Variants in PIEZO2 observed in about 807,000 individuals in gnomAD.
PIEZO2 encodes piezo-type mechanosensitive ion channel component 2.
In PIEZO2, 172 loss-of-function variants were observed where a neutral mutation model predicts 337.3. The observed-to-expected ratio is 0.51, with a 90% CI of 0.45 to 0.58. The LOEUF is 0.58. PIEZO2 is among the 20% of genes least tolerant of loss of function. The probability of loss-of-function intolerance (pLI) is 0.00; values close to 1 mark genes in which losing one functional copy is unlikely to be tolerated. For missense variants in PIEZO2, 3,028 were observed against 3,391.3 expected (o/e 0.89, Z 2.66); for synonymous variants, 1,251 against 1,228.5 (o/e 1.02, Z -0.38).
chr18:11,114,206 C>T (rs1274357003), intron 1 of PIEZO2, among the ~76,000 whole-genome samples: 1 of 152,190 alleles, frequency 6.6e-6, no homozygotes, highest in African/African-American at 2.4e-5. Context: ...CCTCTCTGCA[C>T]AAGTTCCAAA....
intron 34 of PIEZO2, among the ~76,000 whole-genome samples, 193 bp downstream of exon 34, chr18:10,736,411 A>G: frequency 6.6e-6 from 1 of 152,208 alleles, no homozygotes; most frequent in East Asian, 1.9e-4. Context: ...TTCTTGCTTG[A>G]TACTAATTAC....
Position 11,001,891 on chromosome 18 carries a change from A to C in PIEZO2, c.161-22231T>G, listed in dbSNP as rs2035548326. On this transcript the variant is annotated intron_variant, in intron 2 of 55. Coordinates refer to ENST00000674853, the MANE Select transcript of PIEZO2 (RefSeq NM_001378183.1). The surrounding 1 kb of genome is among the most constrained non-coding windows in gnomAD (Gnocchi z 5.3). The stretch of plus-strand genomic sequence containing the variant: ...AGATTCAAAAAAGAAAAAGGAGAAA[A>C]AGGGAAGGAAGGAAGAAGGAAGGAA... Among the ~76,000 whole-genome samples the C allele has an allele frequency of 8.1e-6, 1 of 123,994 alleles. No homozygotes were observed. The allele number at this position is 123,994 out of a possible 152,430, so 81.3% of individuals were successfully genotyped here. A position where few individuals can be genotyped will look rare whatever the true frequency, so the allele number is the denominator to read the frequency against.
chr18:10,680,824 G>T (rs2034233339), intron 51 of PIEZO2, among the ~76,000 whole-genome samples: 1 of 152,038 alleles, frequency 6.6e-6, no homozygotes, highest in African/African-American at 2.4e-5. Context: ...TTTTACAGAA[G>T]AAAGAAGCAT....
intron 42 of PIEZO2, among the ~76,000 whole-genome samples, chr18:10,703,794 C>T (rs977253549): frequency 2.0e-5 from 3 of 152,130 alleles, no homozygotes; most frequent in Admixed American, 1.3e-4. Flanking sequence ...CCTCATACCC[C>T]GCATGGGATG....
At chr18:10,939,268 C>T (rs576533211) in intron 3 of PIEZO2, among the ~76,000 whole-genome samples, 1 of 152,256 alleles carries the variant, frequency 6.6e-6, no homozygotes, top group Admixed American at 6.5e-5. Context: ...GTTATATTAT[C>T]TACCACAAAA....
At chr18:10,866,518 C>G (rs1425914065) in intron 5 of PIEZO2, among the ~76,000 whole-genome samples, 2 of 152,174 alleles carry the variant, frequency 1.3e-5, no homozygotes, top group Non-Finnish European at 2.9e-5. Context: ...ATATCCCGAC[C>G]TCGTGATCTG....
rs2038672464 is a variant in PIEZO2, at chr18:10,773,395, G to A, written c.2785+17C>T. Reference sequence around the variant, plus strand: ...AGCCAGCGTTCTCTGACCAGCTGCTGGTAGTGGGCTGATTACCTGATGTTT... The same window carrying A: ...AGCCAGCGTTCTCTGACCAGCTGCTAGTAGTGGGCTGATTACCTGATGTTT... On this transcript the variant is annotated intron_variant, in intron 20 of 55. Coordinates refer to ENST00000674853, the MANE Select transcript of PIEZO2 (RefSeq NM_001378183.1). The surrounding 1 kb of genome is among the most constrained non-coding windows in gnomAD (Gnocchi z 5.3). 6.5e-7 allele frequency: 1 copy of A among 1,536,158 alleles called. No homozygotes were observed. Among genetic ancestry groups the A allele is most frequent in the African/African-American group, 1.4e-5 (1 of 73,022 alleles).
chr18:11,064,387 CCTT>C (rs1226549880), intron 2 of PIEZO2, among the ~76,000 whole-genome samples: 1 of 152,198 alleles, frequency 6.6e-6, no homozygotes, highest in East Asian at 1.9e-4. Context: ...CTTTCCAACT[CCTT>C]CTTCCCTCCT....
chr18:10,879,391 C>CTTTTTTTTT (rs11385433), intron 4 of PIEZO2, among the ~76,000 whole-genome samples: 2 of 106,040 alleles, frequency 1.9e-5, no homozygotes, highest in African/African-American at 3.8e-5. Context: ...CCTTTCCAAT[C>CTTTTTTTTT]TTTTTTTTTT....
At chr18:10,986,554 T>TA (rs2034877476) in intron 2 of PIEZO2, among the ~76,000 whole-genome samples, 1 of 151,958 alleles carries the variant, frequency 6.6e-6, no homozygotes, top group South Asian at 2.1e-4. Flanking sequence ...TTCAACATAT[T>TA]AGATATAGAA....
chr18:10,873,879 T>C (rs931346721), intron 4 of PIEZO2, among the ~76,000 whole-genome samples: 2 of 151,978 alleles, frequency 1.3e-5, no homozygotes, highest in African/African-American at 2.4e-5. Context: ...AAAAAAACAC[T>C]GTGGAAACAT....
rs146559891 is a variant in PIEZO2 at position 10,931,391 on chromosome 18, G to A, written c.287-20163C>T. Among the ~76,000 whole-genome samples the A allele has an allele frequency of 1.2e-3, 182 of 152,188 alleles. No homozygotes were observed. The East Asian group carries it at 0.026, about 22-fold the overall frequency. Reference sequence around the variant, plus strand: ...ATTTTTTGTATTTTTAGTAGAGACAGGGTTTCATCATGTTAGCCAGGGTGG... The same window carrying A: ...ATTTTTTGTATTTTTAGTAGAGACAAGGTTTCATCATGTTAGCCAGGGTGG... On this transcript the variant is annotated intron_variant, in intron 3 of 55. Transcript: ENST00000674853.
chr18:10,983,627 T>C (rs1029758795), intron 2 of PIEZO2, among the ~76,000 whole-genome samples: 1 of 151,934 alleles, frequency 6.6e-6, no homozygotes, highest in Non-Finnish European at 1.5e-5. Context: ...ACTAATCAGC[T>C]CATAGACTCC....
rs264205 is a variant in PIEZO2 at position 10,882,624 on chromosome 18, T to C, written c.330-11209A>G. On this transcript the variant is annotated intron_variant, in intron 4 of 55. Coordinates refer to ENST00000674853, the MANE Select transcript of PIEZO2 (RefSeq NM_001378183.1). ...TTTCCCATCATCTCCTCCTTCTCCT[T>C]TCCTCCCTGGCCTCTGGTAACCACC... Among the ~76,000 whole-genome samples the C allele has an allele frequency of 1.2e-3, 187 of 152,186 alleles. 1 individual carries two copies. The highest frequency in any genetic ancestry group is 4.2e-3 in the African/African-American group (174 of 41,532).
Position 10,691,300 on chromosome 18 carries a change from C to T in PIEZO2, c.7274G>A (p.Cys2425Tyr). 6 of 1,614,114 alleles carry T rather than the reference C, an allele frequency of 3.7e-6. No homozygotes were observed. Among genetic ancestry groups the T allele is most frequent in the Non-Finnish European group, 5.1e-6 (6 of 1,179,998 alleles). Residue 2425 changes from cysteine (C) to tyrosine (Y), a missense_variant, in exon 48 of 56, where the codon TGT (cysteine) becomes TAT (tyrosine). Around this residue, in one of 5 missense-constraint regions of PIEZO2, gnomAD observed 179 missense variants for 281.8 expected, o/e 0.64. Transcript: ENST00000674853. ...YFGLSAYQIRCGYPTRVLGNF... is the reference protein window; with the variant it reads ...YFGLSAYQIRYGYPTRVLGNF... Reference sequence around the variant, plus strand: ...CCCCAGGACTCGCGTTGGGTAGCCACAACGGATCTGGTAAGCAGACAACCC... The same window carrying T: ...CCCCAGGACTCGCGTTGGGTAGCCATAACGGATCTGGTAAGCAGACAACCC...
intron 3 of PIEZO2, among the ~76,000 whole-genome samples, chr18:10,964,750 A>C (rs928342153): frequency 6.6e-6 from 1 of 152,182 alleles, no homozygotes; most frequent in African/African-American, 2.4e-5. Flanking sequence ...TTAAGTAATC[A>C]TGCCCCATTC....
In PIEZO2 at chr18:10,783,859, C is replaced by T. The variant is rs994163691; in HGVS notation, c.2492+925G>A. On this transcript the variant is annotated intron_variant, in intron 17 of 55. Transcript: ENST00000674853. This position sits in a 1 kb window ranked among gnomAD's most constrained non-coding sequence, Gnocchi z 4.3. The stretch of plus-strand genomic sequence containing the variant: ...TCTATCCATAACTCTAGTTCCTACA[C>T]AGCAGAACGCTGGAAGTTTGGCATT... 1.3e-5 allele frequency among the ~76,000 whole-genome samples: 2 copies of T among 152,218 alleles called. No homozygotes were observed. The highest frequency in any genetic ancestry group is 4.8e-5 in the African/African-American group (2 of 41,448).
At chr18:11,136,214 G>C (rs907483915) in intron 1 of PIEZO2, among the ~76,000 whole-genome samples, 2 of 152,260 alleles carry the variant, frequency 1.3e-5, no homozygotes, top group Non-Finnish European at 2.9e-5. Flanking sequence ...CACTGGGTCA[G>C]AAATGCAGTG....
rs75522684 is a variant in PIEZO2, at chr18:10,962,219, C to T, written c.286+17316G>A. 0.019 allele frequency among the ~76,000 whole-genome samples: 2,827 copies of T among 152,280 alleles called. 104 individuals carry two copies. The highest frequency in any genetic ancestry group is 0.064 in the African/African-American group (2,646 of 41,534). ...AAAGAGTCTTAAAAATAATGCAAAA[C>T]GATGGTGATCCCAGGCTACACTGGC... On this transcript the variant is annotated intron_variant, in intron 3 of 55. Coordinates refer to ENST00000674853, the MANE Select transcript of PIEZO2 (RefSeq NM_001378183.1). The surrounding 1 kb of genome is among the most constrained non-coding windows in gnomAD (Gnocchi z 4.1).
Sources: allele counts gnomAD v4.1 joint callset (sites outside exome capture counted in the v4.1 genomes callset), GRCh38; gene constraint gnomAD v4.1.1; regional missense constraint gnomAD v4.1.1; non-coding constraint Gnocchi (gnomAD v3.1); transcripts MANE v1.5; gene names NCBI Gene and HGNC (gene_info 2026-07-23, HGNC 2026-07-21).